COL21A1: variants seen among roughly 807,000 people sequenced by gnomAD.
The protein encoded by COL21A1 is collagen alpha-1(XXI) chain.
A neutral mutation model predicts 137.9 loss-of-function variants in COL21A1; 149 were observed. That is an observed-to-expected ratio of 1.08 (90% CI 0.95 to 1.24). The LOEUF is 1.24. COL21A1 is among the 50% of genes most tolerant of loss of function. The probability of loss-of-function intolerance (pLI) is 0.00; values close to 1 mark genes in which losing one functional copy is unlikely to be tolerated. For synonymous variants in COL21A1, 456 were observed against 391.5 expected (o/e 1.16, Z -1.95); for missense variants, 1,167 against 1,158.4 (o/e 1.01, Z -0.11).
intron 28 of COL21A1, among the ~76,000 whole-genome samples, chr6:56,059,647 T>A (rs569885449): frequency 6.6e-6 from 1 of 152,216 alleles, no homozygotes; most frequent in African/African-American, 2.4e-5. Flanking sequence ...ACAAAACTTA[T>A]TTTTTCCTAT....
intron 12 of COL21A1, among the ~76,000 whole-genome samples, chr6:56,138,087 A>G (rs1561906985): frequency 6.6e-6 from 1 of 152,134 alleles, no homozygotes; most frequent in Non-Finnish European, 1.5e-5. Context: ...AATGTCAAAA[A>G]TCACAATTAC....
chr6:56,064,474 G>T (rs1328825883), intron 24 of COL21A1, 104 bp downstream of exon 24: 1 of 746,970 alleles, frequency 1.3e-6, no homozygotes, highest in South Asian at 1.6e-5. Context: ...ATACTATATT[G>T]TCCTTCTCCC....
intron 1 of COL21A1, among the ~76,000 whole-genome samples, chr6:56,376,918 C>T (rs954975102): frequency 7.0e-6 from 1 of 143,176 alleles, no homozygotes; most frequent in African/African-American, 2.6e-5. Flanking sequence ...CAGGTGGGCA[C>T]CCACAGTACT....
chr6:56,326,716 A>G (rs1367928035), intron 1 of COL21A1, among the ~76,000 whole-genome samples: 2 of 152,168 alleles, frequency 1.3e-5, no homozygotes, highest in Middle Eastern at 3.4e-3. Flanking sequence ...GACCATTTTG[A>G]TTAGGTTAGG....
intron 16 of COL21A1, among the ~76,000 whole-genome samples, chr6:56,108,585 C>G (rs927226391): frequency 6.6e-6 from 1 of 151,680 alleles, no homozygotes; most frequent in Non-Finnish European, 1.5e-5. Flanking sequence ...CAATGAATAA[C>G]GTAGAAACTA....
intron 9 of COL21A1, among the ~76,000 whole-genome samples, chr6:56,157,158 C>A (rs1775818189): frequency 6.6e-6 from 1 of 151,468 alleles, no homozygotes; most frequent in African/African-American, 2.4e-5. Flanking sequence ...TTTATGTGAC[C>A]ACACCAAGTA....
intron 10 of COL21A1, among the ~76,000 whole-genome samples, chr6:56,150,105 A>C (rs1468823285): frequency 1.3e-5 from 2 of 152,068 alleles, no homozygotes; most frequent in Non-Finnish European, 2.9e-5. Context: ...TCAGTCACGT[A>C]ACTTTGAAAT....
rs553831460 is a variant in COL21A1, at chr6:56,207,472, G to A, written c.-38-24816C>T. ...AAATACCTGGCCACTAACACCCTCT[G>A]AAGTCTAAACCAGGAAGAAGTCGAG... On this transcript the variant is annotated intron_variant, in intron 1 of 29. Coordinates refer to ENST00000244728, the MANE Select transcript of COL21A1 (RefSeq NM_030820.4). Among the ~76,000 whole-genome samples the A allele has an allele frequency of 1.4e-3, 218 of 152,108 alleles. 1 individual carries two copies. The highest frequency in any genetic ancestry group is 4.8e-3 in the African/African-American group (199 of 41,514).
intron 1 of COL21A1, among the ~76,000 whole-genome samples, chr6:56,270,744 A>G (rs1763506054): frequency 6.6e-6 from 1 of 152,164 alleles, no homozygotes; most frequent in African/African-American, 2.4e-5. Context: ...TTCTCATGAT[A>G]GTGAAGGAGT....
intron 21 of COL21A1, 58 bp from the exon 22 acceptor site, chr6:56,069,175 C>T: frequency 9.1e-7 from 1 of 1,097,008 alleles, no homozygotes; most frequent in African/African-American, 1.6e-5. Context: ...AAAAGCACCA[C>T]TGTTTTTATC....
chr6:56,200,452 C>T (rs1465960703), intron 1 of COL21A1, among the ~76,000 whole-genome samples: 13 of 99,054 alleles, frequency 1.3e-4, no homozygotes, highest in Middle Eastern at 0.012. Flanking sequence ...CTATCCCTCC[C>T]CCCTCCCCCC....
intron 1 of COL21A1, among the ~76,000 whole-genome samples, chr6:56,189,460 G>C (rs1048856681): frequency 6.6e-6 from 1 of 152,036 alleles, no homozygotes; most frequent in Non-Finnish European, 1.5e-5. Flanking sequence ...CAAGAAATAT[G>C]GGAATATGTG....
intron 1 of COL21A1, among the ~76,000 whole-genome samples, chr6:56,392,735 C>T (rs946277031): frequency 2.6e-5 from 4 of 152,086 alleles, no homozygotes; most frequent in Non-Finnish European, 5.9e-5. Context: ...AGAAAGTAAT[C>T]TCATTTATAA....
intron 12 of COL21A1, among the ~76,000 whole-genome samples, chr6:56,138,102 G>T (rs1462436222): frequency 2.0e-5 from 3 of 152,018 alleles, no homozygotes; most frequent in Non-Finnish European, 2.9e-5. Context: ...AATTACTTTT[G>T]CACCAACCTA....
At chr6:56,363,326 T>C (rs9475683) in intron 1 of COL21A1, among the ~76,000 whole-genome samples, 5,978 of 152,316 alleles carry the variant, frequency 0.039, 150 homozygotes, top group Non-Finnish European at 0.049. Flanking sequence ...TGCACACTTA[T>C]CGTCTATTTT....
rs1765401718 is a variant in COL21A1 at position 56,057,067 on chromosome 6, G to A, written c.*590C>T. The A allele has an allele frequency of 1.3e-5, 2 of 152,216 alleles. No homozygotes were observed. The highest frequency in any genetic ancestry group is 4.8e-5 in the African/African-American group (2 of 41,446). The allele number at this position is 152,216 out of a possible 1,614,324, so 9.4% of individuals were successfully genotyped here. ...TTAATCTAATTTTAGAGTTTGAAAT[G>A]AATTAAGAAACACTCTAATCTTATT... On this transcript the variant is annotated 3_prime_UTR_variant, in exon 30 of 30. Transcript: ENST00000244728.
Position 56,166,888 on chromosome 6 carries a change from A to AG in COL21A1, c.1278+17_1278+18insC. 1 of 1,599,988 alleles carries AG rather than the reference A, an allele frequency of 6.3e-7. No homozygotes were observed. The highest frequency in any genetic ancestry group is 8.5e-7 in the Non-Finnish European group (1 of 1,169,690). ...TACTAAAGCAACATCTGGGAAAAAA[A>AG]CAATCCCTCCTACTTACAAATCCAG... On this transcript the variant is annotated intron_variant, in intron 7 of 29. Transcript: ENST00000244728.
chr6:56,299,087 A>G (rs1464953039), intron 1 of COL21A1, among the ~76,000 whole-genome samples: 1 of 152,164 alleles, frequency 6.6e-6, no homozygotes, highest in Non-Finnish European at 1.5e-5. Context: ...CAGGAAAGTC[A>G]GCTTCTTGTC....
At chr6:56,167,435 A>G (rs1776680464) in intron 6 of COL21A1, among the ~76,000 whole-genome samples, 1 of 152,196 alleles carries the variant, frequency 6.6e-6, no homozygotes, top group South Asian at 2.1e-4. Context: ...GCACCTGTTA[A>G]TGTTTAAATA....
Sources: gnomAD v4.1 joint callset for allele counts (sites outside exome capture counted in the v4.1 genomes callset) on GRCh38, gnomAD v4.1.1 for gene constraint, MANE v1.5 for transcripts, NCBI Gene and HGNC (gene_info 2026-07-23, HGNC 2026-07-21) for gene names.